RAPGEF2: variants seen among roughly 807,000 people sequenced by gnomAD.
RAPGEF2 encodes PDZ domain containing guanine nucleotide exchange factor (GEF) 1.
RAPGEF2 carries 54 observed loss-of-function variants against 186.7 expected under a neutral mutation model. The observed-to-expected ratio is 0.29, with a 90% CI of 0.23 to 0.36. The LOEUF is 0.36. RAPGEF2 is among the 10% of genes least tolerant of loss of function. The pLI is 1.00. For missense variants in RAPGEF2, 1,532 were observed against 2,045.0 expected, an observed-to-expected ratio of 0.75 and a Z score of 4.84; for synonymous variants, 712 against 705.9, an observed-to-expected ratio of 1.01 and a Z score of -0.14.
Position 159,346,834 on chromosome 4 carries a change from C to T in RAPGEF2, c.3548C>T (p.Ser1183Phe). 1 of 1,614,232 alleles carries T rather than the reference C, an allele frequency of 6.2e-7. No individual in the cohort carries two copies. The highest frequency in any genetic ancestry group is 8.5e-7 in the Non-Finnish European group (1 of 1,180,042). Reference protein sequence around the residue: ...GDKKPVKSETSPVAPRAGSQQ... With the variant: ...GDKKPVKSETFPVAPRAGSQQ... ...AAAAAGCCTGTCAAATCCGAGACCT[C>T]TCCAGTAGCTCCAAGGGCAGGGTCA... The change falls in exon 25 of 30, where the codon TCT (serine) becomes TTT (phenylalanine). Residue 1183 changes from serine to phenylalanine, a missense_variant. Coordinates refer to ENST00000691494, the MANE Select transcript of RAPGEF2 (RefSeq NM_001394067.2).
At chr4:159,324,430 C>T (rs775763424) in intron 11 of RAPGEF2, among the ~76,000 whole-genome samples, 74 of 151,806 alleles carry the variant, frequency 4.9e-4, no homozygotes, top group Middle Eastern at 3.4e-3. Flanking sequence ...ACTATGTGTT[C>T]GACTAAAAAA....
intron 1 of RAPGEF2, among the ~76,000 whole-genome samples, chr4:159,159,030 A>G (rs1309808618): frequency 1.3e-5 from 2 of 152,248 alleles, no homozygotes; most frequent in African/African-American, 4.8e-5. Context: ...TAATTTTTAT[A>G]TGGTGAAATG....
intron 7 of RAPGEF2, among the ~76,000 whole-genome samples, chr4:159,260,893 C>T (rs1369775250): frequency 6.6e-6 from 1 of 152,118 alleles, no homozygotes; most frequent in Non-Finnish European, 1.5e-5. Context: ...GGATTACAGG[C>T]ATGCGCCACC....
intron 1 of RAPGEF2, among the ~76,000 whole-genome samples, chr4:159,184,399 A>C (rs1339668679): frequency 2.0e-5 from 3 of 152,074 alleles, no homozygotes; most frequent in South Asian, 2.1e-4. Context: ...CCTCTCCAGC[A>C]CCTGTTGTTT....
intron 1 of RAPGEF2, among the ~76,000 whole-genome samples, chr4:159,119,386 G>C (rs751748665): frequency 6.6e-5 from 10 of 152,132 alleles, no homozygotes; most frequent in Non-Finnish European, 1.0e-4. Flanking sequence ...TATTGGCTAA[G>C]GCTGTGTCAC....
At position 159,341,932 on chromosome 4, in the gene RAPGEF2, T is replaced by C; in HGVS notation, c.2903T>C (p.Met968Thr). Residue 968 changes from methionine (M) to threonine (T), a missense_variant, in exon 20 of 30, where the codon ATG becomes ACG. Coordinates refer to ENST00000691494, the MANE Select transcript of RAPGEF2 (RefSeq NM_001394067.2). ...AGGGAATGCAAGAATTTTAACTCAATGTTTGCAATCATCAGGTAAGAGAGC... is the reference window on the plus strand; with the variant it reads ...AGGGAATGCAAGAATTTTAACTCAACGTTTGCAATCATCAGGTAAGAGAGC... The part of the protein sequence containing the change: ...HCRECKNFNS[M>T]FAIISGLNLA... The C allele has an allele frequency of 1.3e-6, 2 of 1,593,740 alleles. No homozygotes were observed. Among genetic ancestry groups the C allele is most frequent in the Non-Finnish European group, 1.7e-6 (2 of 1,171,780 alleles).
At chr4:159,332,728 A>G in intron 17 of RAPGEF2, 31 bp downstream of exon 17, 3 of 1,600,574 alleles carry the variant, frequency 1.9e-6, no homozygotes, top group Non-Finnish European at 2.6e-6. Flanking sequence ...TCTGTGCATT[A>G]TTTTATTTTG....
At chr4:159,347,197 C>T (rs1730439904) in intron 25 of RAPGEF2, among the ~76,000 whole-genome samples, 199 bp downstream of exon 25, 1 of 152,154 alleles carries the variant, frequency 6.6e-6, no homozygotes, top group Non-Finnish European at 1.5e-5. Flanking sequence ...TAAGTAATAT[C>T]TCGTTTAGTC....
intron 7 of RAPGEF2, among the ~76,000 whole-genome samples, chr4:159,259,570 G>T (rs912668018): frequency 6.6e-6 from 1 of 152,168 alleles, no homozygotes; most frequent in Non-Finnish European, 1.5e-5. Context: ...GGATGACCGT[G>T]TAACTAGTGT....
chr4:159,132,106 C>T (rs1435120002), intron 1 of RAPGEF2, among the ~76,000 whole-genome samples: 1 of 152,072 alleles, frequency 6.6e-6, no homozygotes, highest in Non-Finnish European at 1.5e-5. Flanking sequence ...TGTTATTGGA[C>T]CACACTATTT....
intron 1 of RAPGEF2, among the ~76,000 whole-genome samples, chr4:159,128,518 ATCT>A (rs1487377984): frequency 6.6e-6 from 1 of 152,084 alleles, no homozygotes; most frequent in Non-Finnish European, 1.5e-5. Context: ...ATAGGCTAAG[ATCT>A]TCTTAATATT....
chr4:159,350,405 C>A, intron 26 of RAPGEF2, 116 bp downstream of exon 26: 1 of 848,224 alleles, frequency 1.2e-6, no homozygotes, highest in African/African-American at 1.8e-5. Context: ...AAGATGAGCT[C>A]ATTTGCAATG....
intron 1 of RAPGEF2, among the ~76,000 whole-genome samples, chr4:159,126,689 TC>T (rs1201997855): frequency 6.6e-6 from 1 of 152,184 alleles, no homozygotes; most frequent in Non-Finnish European, 1.5e-5. Context: ...CTTATCCTTT[TC>T]CCCCTCTGCT....
Position 159,343,469 on chromosome 4 carries a change from A to G in RAPGEF2, c.3254+65A>G, listed in dbSNP as rs542968610. The G allele has an allele frequency of 1.3e-5, 21 of 1,571,788 alleles. No homozygotes were observed. In the African/African-American group the frequency reaches 2.6e-4, roughly 19 times the overall value. ...AAGGTTAAATTTAGAGCTTCCCAATAAATGATTTTTTTAAAGTTTGAGTAT... is the reference window on the plus strand; with the variant it reads ...AAGGTTAAATTTAGAGCTTCCCAATGAATGATTTTTTTAAAGTTTGAGTAT... On this transcript the variant is annotated intron_variant, in intron 22 of 29. Coordinates refer to ENST00000691494, the MANE Select transcript of RAPGEF2 (RefSeq NM_001394067.2).
intron 17 of RAPGEF2, among the ~76,000 whole-genome samples, chr4:159,335,540 T>G (rs1767282428): frequency 6.6e-6 from 1 of 152,162 alleles, no homozygotes; most frequent in Non-Finnish European, 1.5e-5. Context: ...GGTGTTAAAG[T>G]GTTGCGGAGA....
At chr4:159,124,186 T>G (rs1272257584) in intron 1 of RAPGEF2, among the ~76,000 whole-genome samples, 1 of 151,494 alleles carries the variant, frequency 6.6e-6, no homozygotes, top group Non-Finnish European at 1.5e-5. Context: ...GCTAAGTTTT[T>G]CTTTCTCAAT....
chr4:159,243,258 T>C (rs1025169147), intron 6 of RAPGEF2, among the ~76,000 whole-genome samples: 4 of 151,944 alleles, frequency 2.6e-5, no homozygotes, highest in Admixed American at 2.0e-4. Context: ...GTGGTATTAA[T>C]TTTACTAAAT....
intron 7 of RAPGEF2, among the ~76,000 whole-genome samples, chr4:159,293,681 C>T (rs527637925): frequency 6.6e-6 from 1 of 152,310 alleles, no homozygotes; most frequent in South Asian, 2.1e-4. Context: ...TATAATGGTT[C>T]AAACACAGTA....
At chr4:159,273,983 G>T (rs78482037) in intron 7 of RAPGEF2, among the ~76,000 whole-genome samples, 4 of 151,998 alleles carry the variant, frequency 2.6e-5, no homozygotes, top group African/African-American at 9.7e-5. Context: ...GTACAGGTGG[G>T]GTTTCGCCAT....
Sources: allele counts gnomAD v4.1 joint callset (sites outside exome capture counted in the v4.1 genomes callset), GRCh38; gene constraint gnomAD v4.1.1; transcripts MANE v1.5; gene names NCBI Gene and HGNC (gene_info 2026-07-23, HGNC 2026-07-21).